The following RPL27A variants were observed in gnomAD, a reference collection of about 807,000 sequenced individuals.
RPL27A encodes the protein ribosomal protein L27a.
For synonymous variants in RPL27A, 69 were observed against 68.3 expected, an observed-to-expected ratio of 1.01 and a Z score of -0.05; for missense variants, 118 against 189.4, an observed-to-expected ratio of 0.62 and a Z score of 2.21.
intron 4 of RPL27A, chr11:8,685,381 G>C: frequency 1.7e-6 from 1 of 591,398 alleles, no homozygotes; most frequent in Non-Finnish European, 3.2e-6. Context: ...TGGTCAGGAA[G>C]GTGGTTGTCT....
rs760749315 is a variant in RPL27A, at chr11:8,684,795, A to G, written c.221A>G (p.Asn74Ser). The G allele has an allele frequency of 6.8e-6, 11 of 1,613,878 alleles. No individual in the cohort carries two copies. The highest frequency in any genetic ancestry group is 5.0e-5 in the Admixed American group (3 of 60,008). The change falls in exon 4 of 5, where the codon AAC becomes AGC. Residue 74 changes from asparagine to serine, a missense_variant. Physicochemically the swap from Asn to Ser is conservative, Grantham distance 46. Coordinates refer to ENST00000314138, the MANE Select transcript of RPL27A (RefSeq NM_000990.5). ...AACCAGAGCTTCTGCCCAACTGTCA[A>G]CCTTGACAAATTGTGGACTTTGGTC... ...KRNQSFCPTVNLDKLWTLVSE... is the reference protein window; with the variant it reads ...KRNQSFCPTVSLDKLWTLVSE...
rs1013612178 is a variant in RPL27A at position 8,684,739 on chromosome 11, A to G, written c.165A>G (p.Lys55=). ...CTAGCCACCCAGGCTACTTTGGGAA[A>G]GTTGGTATGAAGCATTACCACTTAA... ...FDKYHPGYFG[K]VGMKHYHLKR... The change falls in exon 4 of 5, where the codon AAA becomes AAG. Residue 55 remains lysine, a synonymous_variant. Coordinates refer to ENST00000314138, the MANE Select transcript of RPL27A (RefSeq NM_000990.5). The G allele has an allele frequency of 3.7e-6, 6 of 1,614,012 alleles. No individual in the cohort carries two copies. Among genetic ancestry groups the G allele is most frequent in the South Asian group, 2.2e-5 (2 of 91,078 alleles).
rs2039601548 is a variant in RPL27A at position 8,687,826 on chromosome 11, C to T, written c.*2020C>T. 6.6e-6 allele frequency: 1 copy of T among 152,240 alleles called. No homozygotes were observed. Among genetic ancestry groups the T allele is most frequent in the East Asian group, 1.9e-4 (1 of 5,188 alleles). The allele number at this position is 152,240 out of a possible 1,614,324, so 9.4% of individuals were successfully genotyped here. ...TGCATTTTTAGTAGAGACAGGGTTTCACCGTGTTAGCCAGGATGGTCTCGA... is the reference window on the plus strand; with the variant it reads ...TGCATTTTTAGTAGAGACAGGGTTTTACCGTGTTAGCCAGGATGGTCTCGA... On this transcript the variant is annotated 3_prime_UTR_variant, in exon 5 of 5. Transcript: ENST00000314138.
Position 8,688,037 on chromosome 11 carries a change from TACTGGTTCAGGAA to T in RPL27A, c.*2239_*2251del, listed in dbSNP as rs1385068255. 1.3e-5 allele frequency: 2 copies of T among 152,264 alleles called. No individual in the cohort carries two copies. Among genetic ancestry groups the T allele is most frequent in the East Asian group, 3.9e-4 (2 of 5,192 alleles). The allele number at this position is 152,264 out of a possible 1,614,324, so 9.4% of individuals were successfully genotyped here. ...GGGAAATTGGTCCAAGCAGAGGGAA[TACTGGTTCAGGAA>T]ACTGGTTTGGGAAGGTTAGGCAAAC... On this transcript the variant is annotated 3_prime_UTR_variant, in exon 5 of 5. Coordinates refer to ENST00000314138, the MANE Select transcript of RPL27A (RefSeq NM_000990.5).
Position 8,685,928 on chromosome 11 carries a change from T to G in RPL27A, c.*122T>G. On this transcript the variant is annotated 3_prime_UTR_variant, in exon 5 of 5. Coordinates refer to ENST00000314138, the MANE Select transcript of RPL27A (RefSeq NM_000990.5). Reference sequence around the variant, plus strand: ...GGAGCCCAGGTTCTAGTACTTAGGGTATGAAGACATGGGGTCCTCTCCTGA... The same window carrying G: ...GGAGCCCAGGTTCTAGTACTTAGGGGATGAAGACATGGGGTCCTCTCCTGA... 1 of 886,566 alleles carries G rather than the reference T, an allele frequency of 1.1e-6. No homozygotes were observed. The highest frequency in any genetic ancestry group is 1.7e-6 in the Non-Finnish European group (1 of 580,810). The allele number at this position is 886,566 out of a possible 1,614,324, so 54.9% of individuals were successfully genotyped here. A position where few individuals can be genotyped will look rare whatever the true frequency, so the allele number is the denominator to read the frequency against.
rs1215844507 is a variant in RPL27A at position 8,688,988 on chromosome 11, GC to G, written c.*3183del. 8.5e-5 allele frequency: 13 copies of G among 152,272 alleles called. No homozygotes were observed. The highest frequency in any genetic ancestry group is 7.3e-5 in the Non-Finnish European group (5 of 68,056). 9.4% of individuals were successfully genotyped at this position (152,272 alleles called of 1,614,324 possible). A position where few individuals can be genotyped will look rare whatever the true frequency, so the allele number is the denominator to read the frequency against. ...ACCTGAGAACCACTTCCGGTGAGTAGCTTCTACTTCCGGAGACGATGACTCC... is the reference window on the plus strand; with the variant it reads ...ACCTGAGAACCACTTCCGGTGAGTAGTTCTACTTCCGGAGACGATGACTCC... On this transcript the variant is annotated 3_prime_UTR_variant, in exon 5 of 5. Transcript: ENST00000314138.
chr11:8,683,756 C>T (rs1034993912), intron 2 of RPL27A: 6 of 538,254 alleles, frequency 1.1e-5, no homozygotes, highest in African/African-American at 7.6e-5. Context: ...CGGCTCACTG[C>T]AACCCCTGCC....
At position 8,686,491 on chromosome 11, in the gene RPL27A, A is replaced by G. The variant is rs1024385631; in HGVS notation, c.*685A>G. On this transcript the variant is annotated 3_prime_UTR_variant, in exon 5 of 5. Coordinates refer to ENST00000314138, the MANE Select transcript of RPL27A (RefSeq NM_000990.5). The stretch of plus-strand genomic sequence containing the variant: ...AGTGATCTGCCCACATCGGCCTCCA[A>G]AAGTTCTGGGATTATAGTGTGAGCC... 2.6e-5 allele frequency: 4 copies of G among 152,170 alleles called. No individual in the cohort carries two copies. The allele number at this position is 152,170 out of a possible 1,614,324, so 9.4% of individuals were successfully genotyped here. A position where few individuals can be genotyped will look rare whatever the true frequency, so the allele number is the denominator to read the frequency against.
At position 8,685,739 on chromosome 11, in the gene RPL27A, A is replaced by T. The variant is rs945939078; in HGVS notation, c.380A>T (p.Lys127Ile). ...LPKQPVIVKA[K>I]FFSRRAEEKI... ...AAGCAGCCTGTCATCGTGAAGGCCA[A>T]ATTCTTCAGCAGAAGAGCTGAGGAG... Residue 127 changes from lysine to isoleucine, a missense_variant, in exon 5 of 5, where the codon AAA becomes ATA. Transcript: ENST00000314138. 1 of 1,614,094 alleles carries T rather than the reference A, an allele frequency of 6.2e-7. No individual in the cohort carries two copies. Among genetic ancestry groups the T allele is most frequent in the Admixed American group, 1.7e-5 (1 of 60,018 alleles).
chr11:8,686,381 C>T lies in RPL27A; in HGVS notation c.*575C>T, dbSNP rs2039586997. 1 of 152,742 alleles carries T rather than the reference C, an allele frequency of 6.5e-6. No individual in the cohort carries two copies. Among genetic ancestry groups the T allele is most frequent in the Admixed American group, 6.5e-5 (1 of 15,332 alleles). The allele number at this position is 152,742 out of a possible 1,614,324, so 9.5% of individuals were successfully genotyped here. ...GACTAACTGGGATTACAGGCGCCCA[C>T]CACCATGCCCAGCTAATTTTTGTAT... On this transcript the variant is annotated 3_prime_UTR_variant, in exon 5 of 5. Coordinates refer to ENST00000314138, the MANE Select transcript of RPL27A (RefSeq NM_000990.5).
chr11:8,685,346 T>G, intron 4 of RPL27A: 1 of 550,364 alleles, frequency 1.8e-6, no homozygotes, highest in Non-Finnish European at 3.5e-6. Flanking sequence ...TCCCAGCCTA[T>G]TTAATGTCCA....
At chr11:8,683,689 TTG>T (rs1298778509) in intron 2 of RPL27A, 9 of 482,162 alleles carry the variant, frequency 1.9e-5, no homozygotes, top group East Asian at 4.1e-5. Context: ...TGTAGCTTTT[TTG>T]TGTGTGTGTG....
At chr11:8,682,859 A>T (rs752372662) in intron 1 of RPL27A, 43 bp downstream of exon 1, 6 of 1,596,610 alleles carry the variant, frequency 3.8e-6, no homozygotes, top group Middle Eastern at 3.3e-4. Context: ...GCCGGCGGAG[A>T]CCCCTAAGCT....
chr11:8,684,605 C>A lies in RPL27A; in HGVS notation c.144-113C>A. 4.5e-6 allele frequency: 4 copies of A among 897,094 alleles called. No individual in the cohort carries two copies. The South Asian group carries it at 4.6e-5, about 10-fold the overall frequency. 55.6% of individuals were successfully genotyped at this position (897,094 alleles called of 1,614,324 possible). ...CAACAGATGTATCATATGCCTGACA[C>A]TGCTCTACACCAGTGAATAATTTAC... On this transcript the variant is annotated intron_variant, in intron 3 of 4. Coordinates refer to ENST00000314138, the MANE Select transcript of RPL27A (RefSeq NM_000990.5).
At chr11:8,683,110 T>A in intron 1 of RPL27A, 92 bp from the exon 2 acceptor site, 1 of 1,345,096 alleles carries the variant, frequency 7.4e-7, no homozygotes, top group Non-Finnish European at 1.1e-6. Flanking sequence ...GTTAGGTCTT[T>A]GACCCACAGG....
At chr11:8,684,274 T>C (rs1311035480) in intron 3 of RPL27A, 193 bp downstream of exon 3, 2 of 760,016 alleles carry the variant, frequency 2.6e-6, no homozygotes, top group Admixed American at 1.7e-5. Context: ...CTGAGTGTGC[T>C]AGAGTCCTCG....
At chr11:8,682,935 G>A (rs2039513564) in intron 1 of RPL27A, 119 bp downstream of exon 1, 1 of 1,345,564 alleles carries the variant, frequency 7.4e-7, no homozygotes, top group Non-Finnish European at 1.0e-6. Flanking sequence ...GCGCATGGCC[G>A]CCTGCGGGGC....
chr11:8,683,056 C>A (rs1021669113), intron 1 of RPL27A, 146 bp from the exon 2 acceptor site: 3 of 924,482 alleles, frequency 3.2e-6, no homozygotes, highest in African/African-American at 1.6e-5. Flanking sequence ...GACCTCACGG[C>A]CCTGAGCGGA....
rs1425042195 is a variant in RPL27A at position 8,684,653 on chromosome 11, A to G, written c.144-65A>G. ...TACACTCTAATAGGGGGTGGTAACTATAAAGATGATAAACATAGCATCTTA... is the reference window on the plus strand; with the variant it reads ...TACACTCTAATAGGGGGTGGTAACTGTAAAGATGATAAACATAGCATCTTA... On this transcript the variant is annotated intron_variant, in intron 3 of 4. Transcript: ENST00000314138. 31 of 1,410,232 alleles carry G rather than the reference A, an allele frequency of 2.2e-5. No homozygotes were observed. In the South Asian group the frequency reaches 3.2e-4, roughly 15 times the overall value. The allele number at this position is 1,410,232 out of a possible 1,614,324, so 87.4% of individuals were successfully genotyped here.
Sources: allele counts gnomAD v4.1 joint callset, GRCh38; gene constraint gnomAD v4.1.1; transcripts MANE v1.5; gene names NCBI Gene and HGNC (gene_info 2026-07-23, HGNC 2026-07-21).